Variants in FALEC observed in about 807,000 individuals in gnomAD.
The protein encoded by FALEC is focally amplified lncRNA regulator of ECM1, also known as focally amplified lncRNA on chromosome 1.
chr1:150,536,524 G>T, the FALEC span, among the ~76,000 whole-genome samples: 17 of 152,174 alleles, frequency 1.1e-4, no homozygotes, highest in Non-Finnish European at 2.2e-4. Flanking sequence ...AGGTGCAGTG[G>T]CTCACGCCTA....
At chr1:150,521,841 G>A (rs1192802570), downstream of FALEC, among the ~76,000 whole-genome samples, 2 of 152,168 alleles carry the variant, frequency 1.3e-5, no homozygotes, top group Non-Finnish European at 2.9e-5. Context: ...GATATTTATA[G>A]GCCAAGCACT....
the FALEC span, among the ~76,000 whole-genome samples, chr1:150,534,790 T>C: frequency 1.1e-4 from 16 of 147,006 alleles, no homozygotes; most frequent in Non-Finnish European, 1.6e-4. Context: ...TGCAGTGAGC[T>C]GAGATCATGC....
chr1:150,531,284 C>T, the FALEC span, among the ~76,000 whole-genome samples: 30 of 152,132 alleles, frequency 2.0e-4, no homozygotes, highest in Non-Finnish European at 4.0e-4. Flanking sequence ...CATCCGAGGT[C>T]GGGAGTTAGA....
At chr1:150,525,976 G>A in the FALEC span, among the ~76,000 whole-genome samples, 1 of 152,150 alleles carries the variant, frequency 6.6e-6, no homozygotes, top group Admixed American at 6.6e-5. Flanking sequence ...TATTCCATAT[G>A]TGGTCTTTTT....
At chr1:150,528,740 A>G in the FALEC span, among the ~76,000 whole-genome samples, 1 of 151,842 alleles carries the variant, frequency 6.6e-6, no homozygotes, top group South Asian at 2.1e-4. Flanking sequence ...GCCCACCACC[A>G]CGCCCAGCTA....
At chr1:150,524,995 GAAAA>G in the FALEC span, among the ~76,000 whole-genome samples, 3 of 98,310 alleles carry the variant, frequency 3.1e-5, no homozygotes, top group Admixed American at 1.2e-4. Flanking sequence ...ACCCTGTCTT[GAAAA>G]AAAAAAAAAA....
chr1:150,522,620 CAAAA>C (rs752542427), downstream of FALEC, among the ~76,000 whole-genome samples: 1 of 111,332 alleles, frequency 9.0e-6, no homozygotes, highest in Non-Finnish European at 1.8e-5. Context: ...GAGACTCTGT[CAAAA>C]AAAAAAAAAA....
the FALEC span, among the ~76,000 whole-genome samples, chr1:150,526,970 C>G: frequency 6.7e-6 from 1 of 149,226 alleles, no homozygotes; most frequent in Admixed American, 6.7e-5. Context: ...GAGTCTTGCT[C>G]TGTCACCCAG....
At chr1:150,534,533 A>G in the FALEC span, among the ~76,000 whole-genome samples, 1 of 152,040 alleles carries the variant, frequency 6.6e-6, no homozygotes. Flanking sequence ...CACTCAGGAG[A>G]TGGAGGCTGA....
At chr1:150,534,652 G>A in the FALEC span, among the ~76,000 whole-genome samples, 2 of 151,946 alleles carry the variant, frequency 1.3e-5, no homozygotes, top group Non-Finnish European at 2.9e-5. Context: ...GACCATCCTG[G>A]CCAACATGGT....
At chr1:150,522,971 A>ATT (rs1560270847), downstream of FALEC, among the ~76,000 whole-genome samples, 70 of 31,534 alleles carry the variant, frequency 2.2e-3, 4 homozygotes, top group East Asian at 4.3e-3. Context: ...ATATATATAT[A>ATT]TATATATATA....
the FALEC span, among the ~76,000 whole-genome samples, chr1:150,524,212 C>T: frequency 6.6e-6 from 1 of 152,024 alleles, no homozygotes; most frequent in African/African-American, 2.4e-5. Flanking sequence ...TGCAGTGGTG[C>T]GATTAGAGCT....
chr1:150,534,077 A>G, the FALEC span, among the ~76,000 whole-genome samples: 6 of 152,204 alleles, frequency 3.9e-5, no homozygotes, highest in African/African-American at 1.4e-4. Context: ...TCCTTAACTC[A>G]GCCTTCTGGG....
the FALEC span, among the ~76,000 whole-genome samples, chr1:150,523,712 G>A: frequency 1.3e-5 from 2 of 151,614 alleles, no homozygotes; most frequent in African/African-American, 4.8e-5. Context: ...TTATATTTCT[G>A]CTGGACAGTG....
chr1:150,528,443 G>A, the FALEC span, among the ~76,000 whole-genome samples: 1 of 152,050 alleles, frequency 6.6e-6, no homozygotes, highest in Non-Finnish European at 1.5e-5. Context: ...ATTCCTAGCC[G>A]ACATGTCATC....
chr1:150,521,097 G>A (rs587601211), downstream of FALEC, among the ~76,000 whole-genome samples: 3 of 152,014 alleles, frequency 2.0e-5, no homozygotes, highest in East Asian at 5.8e-4. Context: ...CACCACGCCC[G>A]GCCTCATTTT....
At chr1:150,516,263 C>G (rs1231381819) in intron 1 of FALEC, among the ~76,000 whole-genome samples, 2 of 151,162 alleles carry the variant, frequency 1.3e-5, no homozygotes, top group East Asian at 3.9e-4. Flanking sequence ...AAAAAGGGAG[C>G]GGGGGGGCTT....
the FALEC span, among the ~76,000 whole-genome samples, chr1:150,529,926 G>T: frequency 1.3e-5 from 2 of 152,066 alleles, no homozygotes; most frequent in East Asian, 3.9e-4. Context: ...GCAAAATGCG[G>T]TGTGTCTGTG....
chr1:150,524,209 G>A, the FALEC span, among the ~76,000 whole-genome samples: 1,116 of 152,144 alleles, frequency 7.3e-3, 8 homozygotes, highest in Non-Finnish European at 0.012. Flanking sequence ...GAATGCAGTG[G>A]TGCGATTAGA....
Sources: allele counts gnomAD v4.1 joint callset (sites outside exome capture counted in the v4.1 genomes callset), GRCh38; gene constraint gnomAD v4.1.1; transcripts MANE v1.5; gene names NCBI Gene and HGNC (gene_info 2026-07-23, HGNC 2026-07-21).